SLCO3A1: variants seen among roughly 807,000 people sequenced by gnomAD.
SLCO3A1 encodes solute carrier organic anion transporter family member 3A1.
Under a neutral mutation model 63.1 loss-of-function variants are expected in SLCO3A1, and 27 were observed. The ratio of observed to expected loss-of-function variants is 0.43; its 90% CI spans 0.32 to 0.59. The LOEUF is 0.59. Among genes scored for constraint, SLCO3A1 ranks in the 20% least tolerant of loss-of-function variants. The pLI is 0.09. For missense variants in SLCO3A1, 773 were observed against 945.8 expected (o/e 0.82, Z 2.40); for synonymous variants, 473 against 409.9 (o/e 1.15, Z -1.86).
intron 2 of SLCO3A1, among the ~76,000 whole-genome samples, chr15:91,971,393 T>TAAAAAAAA (rs1900858430): frequency 1.6e-3 from 3 of 1,850 alleles, no homozygotes; most frequent in Admixed American, 5.0e-3. Context: ...AGACTCCATC[T>TAAAAAAAA]CAAAAAAAAA....
chr15:92,165,837 T>A lies in SLCO3A1; in HGVS notation c.*2702T>A. 1.0e-6 allele frequency: 1 copy of A among 985,296 alleles called. No individual in the cohort carries two copies. The highest frequency in any genetic ancestry group is 1.2e-6 in the Non-Finnish European group (1 of 829,826). The allele number at this position is 985,296 out of a possible 1,614,324, so 61.0% of individuals were successfully genotyped here. On this transcript the variant is annotated 3_prime_UTR_variant, in exon 10 of 10. Transcript: ENST00000318445. ...TTGGTTTCAAGTGAATGAAAAGATT[T>A]CCTGGTAAGATCATTGGATTTACAG...
At chr15:92,035,476 G>A (rs1248087910) in intron 2 of SLCO3A1, among the ~76,000 whole-genome samples, 1 of 151,676 alleles carries the variant, frequency 6.6e-6, no homozygotes, top group African/African-American at 2.4e-5. Flanking sequence ...GAAGACTCTT[G>A]GGCAGATAGA....
rs2048456629 is a variant in SLCO3A1 at position 92,162,835 on chromosome 15, A to C, written c.1833A>C (p.Gln611His). ...CLFWSTFCGE[Q>H]GACVLYDNVV... ...TCTGGAGCACGTTCTGTGGGGAGCA[A>C]GGCGCCTGCGTCCTCTACGACAATG... Residue 611 changes from glutamine to histidine, a missense_variant, in exon 10 of 10, where the codon CAA (glutamine) becomes CAC (histidine). Transcript: ENST00000318445. 6.2e-7 allele frequency: 1 copy of C among 1,614,150 alleles called. No individual in the cohort carries two copies. The highest frequency in any genetic ancestry group is 8.5e-7 in the Non-Finnish European group (1 of 1,180,028).
chr15:91,882,116 A>G lies in SLCO3A1; in HGVS notation c.180+28028A>G, dbSNP rs904450339. Among the ~76,000 whole-genome samples, 1 of 152,194 alleles carries G rather than the reference A, an allele frequency of 6.6e-6. No individual in the cohort carries two copies. The highest frequency in any genetic ancestry group is 1.5e-5 in the Non-Finnish European group (1 of 68,044). On this transcript the variant is annotated intron_variant, in intron 1 of 9. Transcript: ENST00000318445. The surrounding 1 kb of genome is among the most constrained non-coding windows in gnomAD (Gnocchi z 4.4). The stretch of plus-strand genomic sequence containing the variant: ...TAGTTGCCTAGAAGGGAAGCAGTGC[A>G]TTCCAGGATCAGGCAGTATAAACAG...
At chr15:92,069,998 G>A (rs1381288619) in intron 2 of SLCO3A1, among the ~76,000 whole-genome samples, 3 of 152,220 alleles carry the variant, frequency 2.0e-5, no homozygotes, top group African/African-American at 4.8e-5. Context: ...GAATTAGGTC[G>A]AGCACGATGA....
intron 2 of SLCO3A1, among the ~76,000 whole-genome samples, chr15:91,926,610 C>T (rs1899039525): frequency 8.7e-6 from 1 of 114,366 alleles, no homozygotes; most frequent in African/African-American, 4.2e-5. Flanking sequence ...CGCGCGCACG[C>T]CCATGCTTAT....
chr15:92,084,705 T>G (rs1054141085), intron 2 of SLCO3A1, among the ~76,000 whole-genome samples: 4 of 152,206 alleles, frequency 2.6e-5, no homozygotes, highest in African/African-American at 9.7e-5. Flanking sequence ...TGCCTGCAGC[T>G]CCTCGGGCAG....
chr15:91,958,970 A>T (rs1900336698), intron 2 of SLCO3A1, among the ~76,000 whole-genome samples: 1 of 152,214 alleles, frequency 6.6e-6, no homozygotes, highest in Admixed American at 6.5e-5. Context: ...ACATGCACAC[A>T]CATGTTTATA....
chr15:91,964,592 G>A (rs2151423946), intron 2 of SLCO3A1, among the ~76,000 whole-genome samples: 1 of 152,200 alleles, frequency 6.6e-6, no homozygotes, highest in East Asian at 1.9e-4. Flanking sequence ...AGACCCTGGT[G>A]GAAGGGGCAT....
intron 7 of SLCO3A1, among the ~76,000 whole-genome samples, chr15:92,144,528 G>A (rs1005325286): frequency 6.6e-6 from 1 of 152,204 alleles, no homozygotes; most frequent in Non-Finnish European, 1.5e-5. Flanking sequence ...GATTTCCTTT[G>A]TAAATGTAAT....
intron 3 of SLCO3A1, among the ~76,000 whole-genome samples, chr15:92,101,446 T>C (rs2151543181): frequency 6.6e-6 from 1 of 151,840 alleles, no homozygotes; most frequent in Admixed American, 6.5e-5. Context: ...GAGGTGGAGG[T>C]TGCAGTAAGC....
chr15:91,954,053 T>G lies in SLCO3A1; in HGVS notation c.646+37595T>G, dbSNP rs1241973207. Among the ~76,000 whole-genome samples the G allele has an allele frequency of 6.6e-6, 1 of 152,096 alleles. No homozygotes were observed. Among genetic ancestry groups the G allele is most frequent in the African/African-American group, 2.4e-5 (1 of 41,408 alleles). ...GAAATTAAAACTGAGGATACACAGGTGTGTGTTCTGTTAGCCATGGGCGAT... is the reference window on the plus strand; with the variant it reads ...GAAATTAAAACTGAGGATACACAGGGGTGTGTTCTGTTAGCCATGGGCGAT... On this transcript the variant is annotated intron_variant, in intron 2 of 9. Transcript: ENST00000318445. The surrounding 1 kb of genome is among the most constrained non-coding windows in gnomAD (Gnocchi z 4.7).
chr15:91,916,085 G>A lies in SLCO3A1; in HGVS notation c.273G>A (p.Ala91=), dbSNP rs1298119509. ...IASSFEIGNL[A]LILFVSYFGA... Reference sequence around the variant, plus strand: ...GCAGCTTCGAGATCGGGAACCTGGCGCTCATCCTCTTCGTGAGCTACTTCG... The same window carrying A: ...GCAGCTTCGAGATCGGGAACCTGGCACTCATCCTCTTCGTGAGCTACTTCG... Residue 91 remains alanine (A), a synonymous_variant, in exon 2 of 10, where the codon GCG becomes GCA. Coordinates refer to ENST00000318445, the MANE Select transcript of SLCO3A1 (RefSeq NM_013272.4). This position sits in a 1 kb window ranked among gnomAD's most constrained non-coding sequence, Gnocchi z 6.2. The A allele has an allele frequency of 2.5e-6, 4 of 1,612,986 alleles. No individual in the cohort carries two copies. The East Asian group carries it at 8.9e-5, about 36-fold the overall frequency.
In SLCO3A1 at chr15:92,100,379, C is replaced by T. The variant is rs149260054; in HGVS notation, c.746-3900C>T. Among the ~76,000 whole-genome samples, 342 of 152,352 alleles carry T rather than the reference C, an allele frequency of 2.2e-3. 1 individual carries two copies. Among genetic ancestry groups the T allele is most frequent in the Non-Finnish European group, 3.5e-3 (237 of 68,034 alleles). ...GTCCCCAGAATGTGCCACACCTTGA[C>T]TCAGCCTGTTCCCTCAGCCTGGGAT... On this transcript the variant is annotated intron_variant, in intron 3 of 9. Coordinates refer to ENST00000318445, the MANE Select transcript of SLCO3A1 (RefSeq NM_013272.4).
At chr15:91,933,420 T>C (rs551052737) in intron 2 of SLCO3A1, among the ~76,000 whole-genome samples, 1 of 152,344 alleles carries the variant, frequency 6.6e-6, no homozygotes, top group Admixed American at 6.5e-5. Context: ...TTTTGGATTT[T>C]ATCTTTCTGT....
chr15:92,141,824 G>T (rs1234750588), intron 7 of SLCO3A1, among the ~76,000 whole-genome samples: 1 of 152,122 alleles, frequency 6.6e-6, no homozygotes, highest in Non-Finnish European at 1.5e-5. Context: ...GGACAAATCT[G>T]GGCTCTTATG....
At chr15:92,171,989 T>A in exon 11 of SLCO3A1, 1 of 712,470 alleles carries the variant, frequency 1.4e-6, no homozygotes, top group Non-Finnish European at 2.4e-6. Context: ...ATCCAGCCAG[T>A]GTGTGGTCCT....
chr15:91,858,201 G>A (rs1334471708), intron 1 of SLCO3A1, among the ~76,000 whole-genome samples: 1 of 151,976 alleles, frequency 6.6e-6, no homozygotes, highest in Admixed American at 6.6e-5. Context: ...ACTGTCTGTT[G>A]ACATTTTCAA....
At chr15:92,053,933 C>G (rs1317742787) in intron 2 of SLCO3A1, among the ~76,000 whole-genome samples, 1 of 152,088 alleles carries the variant, frequency 6.6e-6, no homozygotes, top group Admixed American at 6.5e-5. Context: ...CCCACACTTA[C>G]AGAGTAGGAG....
Sources: gnomAD v4.1 joint callset for allele counts (sites outside exome capture counted in the v4.1 genomes callset) on GRCh38, gnomAD v4.1.1 for gene constraint, Gnocchi (gnomAD v3.1) non-coding constraint, MANE v1.5 for transcripts, NCBI Gene and HGNC (gene_info 2026-07-23, HGNC 2026-07-21) for gene names.